IL5: variants seen among roughly 807,000 people sequenced by gnomAD.
IL5 encodes the protein interleukin-5.
In IL5, 12 loss-of-function variants were observed where a neutral mutation model predicts 16.3. The ratio of observed to expected loss-of-function variants is 0.74; its 90% CI spans 0.47 to 1.20. IL5 has a LOEUF of 1.20. Ranked by LOEUF, IL5 falls within the 50% of genes most tolerant of loss-of-function variation. The pLI is 0.00. For missense variants in IL5, 159 were observed against 153.9 expected (o/e 1.03, Z -0.17); for synonymous variants, 54 against 56.6 (o/e 0.95, Z 0.21).
At position 132,541,758 on chromosome 5, in the gene IL5, A is replaced by G. The variant is rs1749694276; in HGVS notation, c.*53T>C. 4 of 1,110,066 alleles carry G rather than the reference A, an allele frequency of 3.6e-6. No individual in the cohort carries two copies. The highest frequency in any genetic ancestry group is 3.7e-5 in the Admixed American group (2 of 54,414). The allele number at this position is 1,110,066 out of a possible 1,614,324, so 68.8% of individuals were successfully genotyped here. On this transcript the variant is annotated 3_prime_UTR_variant, in exon 4 of 4. Coordinates refer to ENST00000231454, the MANE Select transcript of IL5 (RefSeq NM_000879.3). ...CTTTCTTGGCCCTCATTCTCACTGCAGTAAAATGTCCTTCTCCTCCAAAAT... is the reference window on the plus strand; with the variant it reads ...CTTTCTTGGCCCTCATTCTCACTGCGGTAAAATGTCCTTCTCCTCCAAAAT...
chr5:132,546,486 C>A (rs1749789602), upstream of IL5, among the ~76,000 whole-genome samples: 1 of 152,046 alleles, frequency 6.6e-6, no homozygotes, highest in Non-Finnish European at 1.5e-5. Context: ...AATTTTCTTC[C>A]TTTTTAAGGC....
intron 1 of IL5, among the ~76,000 whole-genome samples, chr5:132,550,804 C>G (rs770218554): frequency 6.6e-6 from 1 of 152,046 alleles, no homozygotes; most frequent in Admixed American, 6.6e-5. Context: ...GAAGAAGTGA[C>G]GCAGAAGCAG....
chr5:132,546,613 TG>T (rs2149824766), upstream of IL5, among the ~76,000 whole-genome samples: 1 of 152,270 alleles, frequency 6.6e-6, no homozygotes, highest in South Asian at 2.1e-4. Context: ...TGAACATGGG[TG>T]TACAAAATTA....
At position 132,542,110 on chromosome 5, in the gene IL5, T is replaced by C. The variant is rs1274653829; in HGVS notation, c.211A>G (p.Ile71Val). Residue 71 changes from isoleucine (I) to valine (V), a missense_variant, in exon 3 of 4, where the codon ATA becomes GTA. Ile to Val is a conservative substitution (Grantham distance 29). Transcript: ENST00000231454. ...QLCTEEIFQG[I>V]GTLESQTVQG... Reference sequence around the variant, plus strand: ...ACAGTTTGACTCTCCAGTGTGCCTATTCCCTGAAAGATTTCTTCAGTGCAC... The same window carrying C: ...ACAGTTTGACTCTCCAGTGTGCCTACTCCCTGAAAGATTTCTTCAGTGCAC... 2 of 1,613,136 alleles carry C rather than the reference T, an allele frequency of 1.2e-6. No individual in the cohort carries two copies. The highest frequency in any genetic ancestry group is 1.7e-5 in the Admixed American group (1 of 59,910).
At chr5:132,556,699 C>T in exon 1 of IL5, 4 of 1,251,298 alleles carry the variant, frequency 3.2e-6, no homozygotes, top group Non-Finnish European at 4.1e-6. Context: ...TCCAATCCAC[C>T]CCACCACTAC....
intron 1 of IL5, among the ~76,000 whole-genome samples, chr5:132,548,850 T>C (rs1048219174): frequency 2.0e-5 from 3 of 152,232 alleles, no homozygotes; most frequent in African/African-American, 7.2e-5. Context: ...ATTGTTTCAA[T>C]GTTTAATATT....
upstream of IL5, among the ~76,000 whole-genome samples, chr5:132,547,390 C>T (rs1208219648): frequency 6.6e-6 from 1 of 152,164 alleles, no homozygotes; most frequent in African/African-American, 2.4e-5. Context: ...GTAACCTCTG[C>T]CTAACCATGA....
At chr5:132,549,350 G>A (rs1277901985) in intron 1 of IL5, among the ~76,000 whole-genome samples, 3 of 152,062 alleles carry the variant, frequency 2.0e-5, no homozygotes, top group African/African-American at 4.8e-5. Context: ...CACCGTGCCC[G>A]GCCTCAAGGA....
intron 1 of IL5, among the ~76,000 whole-genome samples, chr5:132,550,028 T>G (rs1206658477): frequency 6.9e-6 from 1 of 144,712 alleles, no homozygotes; most frequent in African/African-American, 2.5e-5. Context: ...GCAGTTTGTA[T>G]TTATCTTTTT....
chr5:132,556,005 C>T (rs1443829346), intron 1 of IL5: 1 of 151,942 alleles, frequency 6.6e-6, no homozygotes, highest in Non-Finnish European at 1.5e-5. Flanking sequence ...CCTGGTACAG[C>T]AAGAGACTAT....
exon 1 of IL5, chr5:132,556,721 G>C (rs1360932815): frequency 8.0e-7 from 1 of 1,243,862 alleles, no homozygotes; most frequent in African/African-American, 1.6e-5. Context: ...CCCATTCCAG[G>C]AGTCCCAGGA....
At chr5:132,542,583 A>T (rs965554126) in intron 2 of IL5, among the ~76,000 whole-genome samples, 13 of 152,220 alleles carry the variant, frequency 8.5e-5, no homozygotes, top group African/African-American at 3.1e-4. Flanking sequence ...ATTTAGACTA[A>T]TAAAACTATA....
chr5:132,552,237 C>CCG, intron 1 of IL5, among the ~76,000 whole-genome samples: 1 of 152,098 alleles, frequency 6.6e-6, no homozygotes, highest in Non-Finnish European at 1.5e-5. Flanking sequence ...CCACTGCACT[C>CCG]CAGCCTGGCA....
intron 1 of IL5, among the ~76,000 whole-genome samples, chr5:132,553,938 T>TAA (rs57467548): frequency 2.3e-3 from 205 of 87,278 alleles, no homozygotes; most frequent in South Asian, 0.011. Flanking sequence ...GACTCCGTCT[T>TAA]AAAAAAAAAA....
At chr5:132,543,181 T>C in intron 1 of IL5, 55 bp from the exon 2 acceptor site, 1 of 1,542,576 alleles carries the variant, frequency 6.5e-7, no homozygotes, top group Non-Finnish European at 8.9e-7. Context: ...TTCATAACTT[T>C]TAACAGAATG....
chr5:132,548,212 A>G (rs892400571), upstream of IL5, among the ~76,000 whole-genome samples: 3 of 151,930 alleles, frequency 2.0e-5, no homozygotes, highest in East Asian at 5.8e-4. Flanking sequence ...CCTGGGCAAC[A>G]TAGTGAGACC....
At chr5:132,543,609 A>C, upstream of IL5, 2 of 807,756 alleles carry the variant, frequency 2.5e-6, no homozygotes, top group South Asian at 2.9e-5. Flanking sequence ...ATGCCTAATA[A>C]TGGCATATCG....
chr5:132,550,233 C>T (rs569011433), intron 1 of IL5, among the ~76,000 whole-genome samples: 3 of 152,068 alleles, frequency 2.0e-5, no homozygotes, highest in African/African-American at 7.2e-5. Flanking sequence ...AAAAATTTTC[C>T]TTATGCTAAT....
chr5:132,543,205 T>C lies in IL5; in HGVS notation c.145-79A>G. On this transcript the variant is annotated intron_variant, in intron 1 of 3. Coordinates refer to ENST00000231454, the MANE Select transcript of IL5 (RefSeq NM_000879.3). ...TTTAACAGAATGTTTGCTGGTGATG[T>C]AGTTATCACCCATGTACTAATGTGC... The C allele has an allele frequency of 2.1e-6, 3 of 1,414,992 alleles. No individual in the cohort carries two copies. In the South Asian group the frequency reaches 3.5e-5, roughly 17 times the overall value. 87.7% of individuals were successfully genotyped at this position (1,414,992 alleles called of 1,614,324 possible). A position where few individuals can be genotyped will look rare whatever the true frequency, so the allele number is the denominator to read the frequency against.
Sources: allele counts gnomAD v4.1 joint callset (sites outside exome capture counted in the v4.1 genomes callset), GRCh38; gene constraint gnomAD v4.1.1; transcripts MANE v1.5; gene names NCBI Gene and HGNC (gene_info 2026-07-23, HGNC 2026-07-21).